The following GALNTL6 variants were observed in gnomAD, a reference collection of about 807,000 sequenced individuals.
GALNTL6 encodes the protein polypeptide N-acetylgalactosaminyltransferase-like 6.
Under a neutral mutation model 73.7 loss-of-function variants are expected in GALNTL6, and 46 were observed. The observed-to-expected ratio is 0.62, with a 90% CI of 0.49 to 0.80. The LOEUF is 0.80. Among genes scored for constraint, GALNTL6 ranks in the 30% least tolerant of loss-of-function variants. The pLI is 0.00. For missense variants in GALNTL6, 604 were observed against 755.0 expected, an observed-to-expected ratio of 0.80 and a Z score of 2.34; for synonymous variants, 259 against 263.7, an observed-to-expected ratio of 0.98 and a Z score of 0.17.
chr4:171,942,958 C>T (rs1200346031), intron 2 of GALNTL6, among the ~76,000 whole-genome samples: 1 of 152,200 alleles, frequency 6.6e-6, no homozygotes, highest in Non-Finnish European at 1.5e-5. Context: ...AACTAAATGA[C>T]TGTGCTCCAA....
intron 5 of GALNTL6, among the ~76,000 whole-genome samples, chr4:172,436,483 G>C (rs371921788): frequency 6.6e-6 from 1 of 152,010 alleles, no homozygotes; most frequent in South Asian, 2.1e-4. Context: ...TCCTACTTCA[G>C]CCACAGCAAC....
At chr4:172,455,672 G>A (rs1732369889) in intron 5 of GALNTL6, among the ~76,000 whole-genome samples, 1 of 152,108 alleles carries the variant, frequency 6.6e-6, no homozygotes, top group Non-Finnish European at 1.5e-5. Flanking sequence ...CTCCTCTCTG[G>A]GCAGGTCAAG....
At chr4:172,204,232 A>G (rs946993937) in intron 2 of GALNTL6, among the ~76,000 whole-genome samples, 1 of 152,242 alleles carries the variant, frequency 6.6e-6, no homozygotes, top group African/African-American at 2.4e-5. Flanking sequence ...AGAGAATACC[A>G]AAATACATTT....
intron 5 of GALNTL6, among the ~76,000 whole-genome samples, chr4:172,479,927 G>C (rs1733382396): frequency 6.6e-6 from 1 of 152,172 alleles, no homozygotes; most frequent in African/African-American, 2.4e-5. Flanking sequence ...TCTCTTATCA[G>C]AGACACATGT....
chr4:172,792,393 T>C (rs73869659), intron 5 of GALNTL6, among the ~76,000 whole-genome samples: 8,116 of 152,116 alleles, frequency 0.053, 696 homozygotes, highest in African/African-American at 0.18. Context: ...TGTGTATAAT[T>C]CTATAAGCCA....
intron 2 of GALNTL6, among the ~76,000 whole-genome samples, chr4:171,851,913 T>G (rs76415986): frequency 0.031 from 4,656 of 152,302 alleles, 210 homozygotes; most frequent in East Asian, 0.11. Context: ...ACTGTTCTGC[T>G]TTTGAATGCA....
chr4:172,922,235 C>G (rs962768122), intron 8 of GALNTL6, among the ~76,000 whole-genome samples: 1 of 152,184 alleles, frequency 6.6e-6, no homozygotes, highest in Non-Finnish European at 1.5e-5. Flanking sequence ...CCAATTAAAC[C>G]TCCTTTTCTT....
chr4:172,696,582 G>GATAGTGAATACATCTT (rs1733708623), intron 5 of GALNTL6, among the ~76,000 whole-genome samples: 1 of 152,128 alleles, frequency 6.6e-6, no homozygotes, highest in East Asian at 1.9e-4. Flanking sequence ...TTATACTTGT[G>GATAGTGAATACATCTT]ATAGTGAATA....
chr4:172,138,501 ATATATATATATATTTTTTTTTTTTTTTT>A (rs1733706942), intron 2 of GALNTL6, among the ~76,000 whole-genome samples: 1 of 8,248 alleles, frequency 1.2e-4, no homozygotes, highest in South Asian at 4.4e-3. Context: ...ATATATATAT[ATATATATATATATTTTTTTTTTTTTTTT>A]TTTTTTTTTT....
intron 2 of GALNTL6, among the ~76,000 whole-genome samples, chr4:171,847,365 A>G (rs1735401866): frequency 6.6e-6 from 1 of 152,140 alleles, no homozygotes; most frequent in Non-Finnish European, 1.5e-5. Context: ...GGTTTTAATC[A>G]TTTTGCTGGT....
At chr4:172,766,270 A>G (rs1738401186) in intron 5 of GALNTL6, among the ~76,000 whole-genome samples, 1 of 152,184 alleles carries the variant, frequency 6.6e-6, no homozygotes, top group Non-Finnish European at 1.5e-5. Flanking sequence ...GGCAAAAAGA[A>G]AGTACTCATT....
intron 5 of GALNTL6, among the ~76,000 whole-genome samples, chr4:172,605,585 G>A (rs1738222205): frequency 6.6e-6 from 1 of 152,156 alleles, no homozygotes; most frequent in African/African-American, 2.4e-5. Flanking sequence ...AGATATGAAA[G>A]AGAATCCAGG....
rs189233671 is a variant in GALNTL6 at position 172,722,079 on chromosome 4, A to G, written c.554-87282A>G. Among the ~76,000 whole-genome samples, 445 of 152,022 alleles carry G rather than the reference A, an allele frequency of 2.9e-3. 2 individuals carry two copies. Among genetic ancestry groups the G allele is most frequent in the Non-Finnish European group, 2.9e-3 (197 of 67,992 alleles). Reference sequence around the variant, plus strand: ...TTAATGATGTGGCTCCTTTCTGTCAATGTGATCAGTCTATCTTTTGTGTAC... The same window carrying G: ...TTAATGATGTGGCTCCTTTCTGTCAGTGTGATCAGTCTATCTTTTGTGTAC... On this transcript the variant is annotated intron_variant, in intron 5 of 12. Coordinates refer to ENST00000506823, the MANE Select transcript of GALNTL6 (RefSeq NM_001034845.3).
At chr4:172,798,770 A>G (rs1290060564) in intron 5 of GALNTL6, among the ~76,000 whole-genome samples, 1 of 152,218 alleles carries the variant, frequency 6.6e-6, no homozygotes, top group Non-Finnish European at 1.5e-5. Flanking sequence ...GCAAAAAACA[A>G]TAAGAAGGTG....
chr4:172,812,086 A>T (rs1228060679), intron 6 of GALNTL6, among the ~76,000 whole-genome samples: 1 of 152,174 alleles, frequency 6.6e-6, no homozygotes, highest in East Asian at 1.9e-4. Flanking sequence ...GGATGGATGG[A>T]TGGATGGAAA....
At chr4:172,879,917 T>C (rs1745372178) in intron 7 of GALNTL6, among the ~76,000 whole-genome samples, 1 of 151,856 alleles carries the variant, frequency 6.6e-6, no homozygotes, top group African/African-American at 2.4e-5. Context: ...ACTTTAACAT[T>C]ATTAATAATT....
At chr4:172,083,652 C>T (rs1731946444) in intron 2 of GALNTL6, among the ~76,000 whole-genome samples, 1 of 152,160 alleles carries the variant, frequency 6.6e-6, no homozygotes, top group Admixed American at 6.5e-5. Context: ...ACTTTAGTCC[C>T]TTCTCCCCAA....
intron 11 of GALNTL6, 30 bp downstream of exon 11, chr4:173,009,324 G>T (rs1327640667): frequency 7.5e-7 from 1 of 1,330,536 alleles, no homozygotes; most frequent in Admixed American, 1.7e-5. Flanking sequence ...CCAGGGCAGT[G>T]GGAACCAGTC....
At chr4:171,987,982 C>T (rs572806783) in intron 2 of GALNTL6, among the ~76,000 whole-genome samples, 8 of 152,038 alleles carry the variant, frequency 5.3e-5, no homozygotes, top group Non-Finnish European at 1.0e-4. Flanking sequence ...CTGAAGGAGC[C>T]GGGGAGCAGA....
Sources: gnomAD v4.1 joint callset for allele counts (sites outside exome capture counted in the v4.1 genomes callset) on GRCh38, gnomAD v4.1.1 for gene constraint, MANE v1.5 for transcripts, NCBI Gene and HGNC (gene_info 2026-07-23, HGNC 2026-07-21) for gene names.